TNIP3: variants seen among roughly 807,000 people sequenced by gnomAD.
TNIP3 encodes the protein TNFAIP3 interacting protein 3.
Under a neutral mutation model 54.1 loss-of-function variants are expected in TNIP3, and 34 were observed. The observed-to-expected ratio is 0.63, with a 90% CI of 0.48 to 0.84. The LOEUF is 0.84. TNIP3 is among the 40% of genes least tolerant of loss of function. The pLI is 0.00. For synonymous variants in TNIP3, 134 were observed against 136.8 expected (o/e 0.98, Z 0.14); for missense variants, 366 against 387.6 (o/e 0.94, Z 0.47).
chr4:121,177,774 T>C (rs1335769722), intron 3 of TNIP3, among the ~76,000 whole-genome samples: 1 of 151,552 alleles, frequency 6.6e-6, no homozygotes, highest in Non-Finnish European at 1.5e-5. Context: ...AAGGTCTTTG[T>C]TTTGTTTTAA....
rs569885362 is a variant in TNIP3 at position 121,226,645 on chromosome 4, T to C, written c.3+740A>G. ...CAAATGTTATCAGATTCAAGAAATA[T>C]CAGCACTGCGCCTGTAAGCATCTAG... On this transcript the variant is annotated intron_variant, in intron 1 of 12. Transcript: ENST00000509841. Among the ~76,000 whole-genome samples the C allele has an allele frequency of 2.0e-5, 3 of 152,214 alleles. No homozygotes were observed. The South Asian group carries it at 6.2e-4, about 32-fold the overall frequency.
chr4:121,154,934 C>G (rs1207254714), intron 4 of TNIP3, among the ~76,000 whole-genome samples: 1 of 149,906 alleles, frequency 6.7e-6, no homozygotes, highest in Non-Finnish European at 1.5e-5. Flanking sequence ...ATTTTGTGAC[C>G]CCAGGAAAAA....
intron 10 of TNIP3, among the ~76,000 whole-genome samples, chr4:121,135,158 G>A (rs1728706889): frequency 6.6e-6 from 1 of 152,182 alleles, no homozygotes; most frequent in South Asian, 2.1e-4. Context: ...TTGAAACTGA[G>A]CATTGTAAAT....
At chr4:121,160,488 A>G (rs78695006) in intron 2 of TNIP3, among the ~76,000 whole-genome samples, 179 of 151,870 alleles carry the variant, frequency 1.2e-3, no homozygotes, top group Non-Finnish European at 2.2e-3. Context: ...AAAAAAAAAA[A>G]GAAGGAATTA....
At chr4:121,217,045 C>T (rs1480076970), upstream of TNIP3, among the ~76,000 whole-genome samples, 1 of 152,028 alleles carries the variant, frequency 6.6e-6, no homozygotes, top group Non-Finnish European at 1.5e-5. Context: ...ACTGTACTTC[C>T]GACAGAATTT....
chr4:121,224,836 C>A (rs1314485515), intron 1 of TNIP3, among the ~76,000 whole-genome samples: 1 of 151,900 alleles, frequency 6.6e-6, no homozygotes, highest in African/African-American at 2.4e-5. Context: ...TTTTTGAACA[C>A]CTTTCTAAGT....
intron 3 of TNIP3, among the ~76,000 whole-genome samples, chr4:121,179,823 G>C (rs116268505): frequency 1.1e-4 from 16 of 152,080 alleles, no homozygotes; most frequent in Admixed American, 7.9e-4. Flanking sequence ...TGGCCAGGGT[G>C]GGGGAGGGAT....
upstream of TNIP3, among the ~76,000 whole-genome samples, chr4:121,167,429 T>C (rs528011443): frequency 1.9e-4 from 29 of 152,076 alleles, no homozygotes; most frequent in Non-Finnish European, 3.8e-4. Context: ...TAGATAGGAT[T>C]TTGACAGAGA....
intron 2 of TNIP3, among the ~76,000 whole-genome samples, chr4:121,196,663 A>G (rs1332077913): frequency 6.6e-6 from 1 of 152,096 alleles, no homozygotes; most frequent in Admixed American, 6.5e-5. Context: ...ACCAAAGATA[A>G]CTATAAATAT....
upstream of TNIP3, among the ~76,000 whole-genome samples, chr4:121,164,748 T>C (rs1054603481): frequency 4.6e-5 from 7 of 152,172 alleles, no homozygotes; most frequent in African/African-American, 1.4e-4. Flanking sequence ...GGGAAAATAA[T>C]TCATTGTAAA....
At chr4:121,182,653 G>A (rs1352427692) in intron 3 of TNIP3, 2 of 1,533,156 alleles carry the variant, frequency 1.3e-6, no homozygotes, top group Admixed American at 3.9e-5. Context: ...ATCGAGATAA[G>A]GAGAAAAAAG....
chr4:121,189,558 G>T (rs1481371011), intron 2 of TNIP3, among the ~76,000 whole-genome samples: 1 of 152,190 alleles, frequency 6.6e-6, no homozygotes, highest in Non-Finnish European at 1.5e-5. Flanking sequence ...CTGTGTATGT[G>T]TGTTTTAGAT....
chr4:121,160,562 G>C (rs918397896), intron 2 of TNIP3, among the ~76,000 whole-genome samples: 2 of 151,890 alleles, frequency 1.3e-5, no homozygotes, highest in Admixed American at 1.3e-4. Flanking sequence ...CTGTCAAGAA[G>C]AGTAAAGAGG....
intron 2 of TNIP3, among the ~76,000 whole-genome samples, chr4:121,183,634 C>T (rs1003857246): frequency 2.0e-5 from 3 of 152,224 alleles, no homozygotes; most frequent in African/African-American, 7.2e-5. Flanking sequence ...ACTCCCTGAG[C>T]TCCACCTCCT....
In TNIP3 at chr4:121,131,601, CTTTTTTT is replaced by C. The variant is rs1227023079; in HGVS notation, c.*1023_*1029del. 1.7e-5 allele frequency: 2 copies of C among 120,158 alleles called. No homozygotes were observed. Among genetic ancestry groups the C allele is most frequent in the Non-Finnish European group, 3.4e-5 (2 of 58,406 alleles). The allele number at this position is 120,158 out of a possible 1,614,324, so 7.4% of individuals were successfully genotyped here. ...ATCATCCCATCAGGACTTTGTCTTC[CTTTTTTT>C]TTTTTTTTTTTTTTTGGTGGTGTGG... On this transcript the variant is annotated 3_prime_UTR_variant, in exon 11 of 11. Transcript: ENST00000057513.
chr4:121,156,141 C>A (rs1730071127), intron 4 of TNIP3, among the ~76,000 whole-genome samples: 1 of 152,156 alleles, frequency 6.6e-6, no homozygotes, highest in African/African-American at 2.4e-5. Context: ...ACATCCTCAG[C>A]AAGATAGGAA....
At chr4:121,205,580 A>G (rs768537009) in intron 2 of TNIP3, among the ~76,000 whole-genome samples, 3 of 152,092 alleles carry the variant, frequency 2.0e-5, no homozygotes, top group Non-Finnish European at 4.4e-5. Context: ...GTACTGAGAC[A>G]GTTTAAGAAG....
chr4:121,187,653 T>A (rs541993112), intron 2 of TNIP3, among the ~76,000 whole-genome samples: 1 of 152,230 alleles, frequency 6.6e-6, no homozygotes, highest in Non-Finnish European at 1.5e-5. Flanking sequence ...TCCCTCCAAC[T>A]GAAATGTAGC....
upstream of TNIP3, among the ~76,000 whole-genome samples, chr4:121,221,502 A>G (rs1296416411): frequency 6.6e-6 from 1 of 152,254 alleles, no homozygotes; most frequent in Non-Finnish European, 1.5e-5. Flanking sequence ...GTTGTTAAGA[A>G]TATGATAATG....
Sources: gnomAD v4.1 joint callset for allele counts (sites outside exome capture counted in the v4.1 genomes callset) on GRCh38, gnomAD v4.1.1 for gene constraint, MANE v1.5 for transcripts, NCBI Gene and HGNC (gene_info 2026-07-23, HGNC 2026-07-21) for gene names.